The following USP6NL variants were observed in gnomAD, a reference collection of about 807,000 sequenced individuals.
USP6NL encodes the protein USP6 N-terminal-like protein.
USP6NL carries 26 observed loss-of-function variants against 61.9 expected under a neutral mutation model. That is an observed-to-expected ratio of 0.42 (90% CI 0.31 to 0.58). USP6NL has a LOEUF of 0.58. Ranked by LOEUF, USP6NL falls within the 20% of genes least tolerant of loss-of-function variation. USP6NL has a pLI of 0.16. For synonymous variants in USP6NL, 432 were observed against 390.1 expected (o/e 1.11, Z -1.27); for missense variants, 1,114 against 1,034.3 (o/e 1.08, Z -1.06).
intron 2 of USP6NL, among the ~76,000 whole-genome samples, chr10:11,533,141 A>G (rs1835720580): frequency 1.3e-5 from 2 of 152,342 alleles, no homozygotes; most frequent in South Asian, 4.1e-4. Context: ...AACTAAAGCA[A>G]AAGATCTCAG....
chr10:11,582,766 C>G (rs2133611302), intron 2 of USP6NL, among the ~76,000 whole-genome samples: 1 of 152,092 alleles, frequency 6.6e-6, no homozygotes, highest in South Asian at 2.1e-4. Flanking sequence ...CTCTGTAGCT[C>G]AGTGGACACT....
chr10:11,500,911 A>C (rs1419609634), intron 7 of USP6NL, among the ~76,000 whole-genome samples, 190 bp downstream of exon 7: 9 of 152,246 alleles, frequency 5.9e-5, no homozygotes, highest in African/African-American at 2.2e-4. Flanking sequence ...ATTTTTACTG[A>C]AGTATCTATT....
In USP6NL at chr10:11,561,600, G is replaced by A. The variant is rs1404693639; in HGVS notation, c.5-34033C>T. ...CTATTGTACTTCACTATATGGATTT[G>A]CCATAATGCACTAACCTTTCTTCTA... On this transcript the variant is annotated intron_variant, in intron 2 of 14. Coordinates refer to ENST00000609104, the MANE Select transcript of USP6NL (RefSeq NM_014688.5). The surrounding 1 kb of genome is among the most constrained non-coding windows in gnomAD (Gnocchi z 4.1). Among the ~76,000 whole-genome samples the A allele has an allele frequency of 6.6e-6, 1 of 152,148 alleles. No homozygotes were observed. The highest frequency in any genetic ancestry group is 1.5e-5 in the Non-Finnish European group (1 of 68,022).
intron 14 of USP6NL, among the ~76,000 whole-genome samples, chr10:11,479,239 G>A (rs1219928432): frequency 6.6e-6 from 1 of 152,152 alleles, no homozygotes; most frequent in African/African-American, 2.4e-5. Flanking sequence ...CTGTATGGAA[G>A]GTGTCTGCAA....
At chr10:11,568,427 A>T (rs973860664) in intron 2 of USP6NL, among the ~76,000 whole-genome samples, 1 of 152,196 alleles carries the variant, frequency 6.6e-6, no homozygotes, top group East Asian at 1.9e-4. Context: ...TCCAACTCCC[A>T]AATCAATATC....
At chr10:11,514,151 A>G (rs1834851285) in intron 5 of USP6NL, among the ~76,000 whole-genome samples, 1 of 143,850 alleles carries the variant, frequency 7.0e-6, no homozygotes, top group Non-Finnish European at 1.5e-5. Flanking sequence ...TCCACGTGAT[A>G]TACTTTGAGA....
chr10:11,596,835 T>C lies in USP6NL; in HGVS notation c.4+796A>G, dbSNP rs1270069729. On this transcript the variant is annotated intron_variant, in intron 2 of 14. Transcript: ENST00000609104. This position sits in a 1 kb window ranked among gnomAD's most constrained non-coding sequence, Gnocchi z 4.1. ...TCTACTGCCTAATTATTTGAACTGA[T>C]GATGAGAAAAGCTGCCCTATTTCAT... Among the ~76,000 whole-genome samples the C allele has an allele frequency of 6.6e-6, 1 of 152,174 alleles. No homozygotes were observed. The highest frequency in any genetic ancestry group is 6.5e-5 in the Admixed American group (1 of 15,276).
In USP6NL at chr10:11,555,471, A is replaced by AGAGAGAGAGAGAG. The variant is rs1566178235; in HGVS notation, c.5-27905_5-27904insCTCTCTCTCTCTC. Among the ~76,000 whole-genome samples the AGAGAGAGAGAGAG allele has an allele frequency of 2.3e-4, 14 of 62,202 alleles. 1 individual carries two copies. The East Asian group carries it at 7.5e-3, about 33-fold the overall frequency. The allele number at this position is 62,202 out of a possible 152,430, so 40.8% of individuals were successfully genotyped here. A position where few individuals can be genotyped will look rare whatever the true frequency, so the allele number is the denominator to read the frequency against. The stretch of plus-strand genomic sequence containing the variant: ...ATATATAGAGAGAGAGAGAGAGAGA[A>AGAGAGAGAGAGAG]AGAGAGAGAGAGAGAGAGAGAGAAG... On this transcript the variant is annotated intron_variant, in intron 2 of 14. Coordinates refer to ENST00000609104, the MANE Select transcript of USP6NL (RefSeq NM_014688.5).
In USP6NL at chr10:11,518,501, C is replaced by T. The variant is rs904146791; in HGVS notation, c.195+34G>A. 1.9e-6 allele frequency: 3 copies of T among 1,595,166 alleles called. No homozygotes were observed. The Admixed American group carries it at 5.1e-5, about 27-fold the overall frequency. ...TATTCTTCTAATAAAGGCAATTCACCAGTAACTGTAAATACATCAAGAGCA... is the reference window on the plus strand; with the variant it reads ...TATTCTTCTAATAAAGGCAATTCACTAGTAACTGTAAATACATCAAGAGCA... On this transcript the variant is annotated intron_variant, in intron 5 of 14. Transcript: ENST00000609104. The surrounding 1 kb of genome is among the most constrained non-coding windows in gnomAD (Gnocchi z 5.3).
At chr10:11,556,922 A>G (rs1836728576) in intron 2 of USP6NL, among the ~76,000 whole-genome samples, 1 of 152,226 alleles carries the variant, frequency 6.6e-6, no homozygotes, top group African/African-American at 2.4e-5. Context: ...TTTCAAGGGT[A>G]CCAGCCAACT....
rs3837318 is a variant in USP6NL at position 11,465,011 on chromosome 10, CAA to C, written c.1079-1164_1079-1163del. 0.097 allele frequency among the ~76,000 whole-genome samples: 14,739 copies of C among 152,194 alleles called. 813 individuals are homozygous for C. The highest frequency in any genetic ancestry group is 0.2 in the South Asian group (970 of 4,810). ...AAATTAAAACCTATCCAGATTCCTCCAAAAGTTTTTTTCTATCAGCTCTACAA... is the reference window on the plus strand; with the variant it reads ...AAATTAAAACCTATCCAGATTCCTCCAAGTTTTTTTCTATCAGCTCTACAA... On this transcript the variant is annotated intron_variant, in intron 14 of 14. Transcript: ENST00000609104. This position sits in a 1 kb window ranked among gnomAD's most constrained non-coding sequence, Gnocchi z 4.5.
At chr10:11,509,953 T>C (rs1049961670) in intron 5 of USP6NL, among the ~76,000 whole-genome samples, 1 of 152,188 alleles carries the variant, frequency 6.6e-6, no homozygotes, top group Admixed American at 6.5e-5. Flanking sequence ...ATTCTACAAA[T>C]TTAAACAAAA....
Position 11,461,258 on chromosome 10 carries a change from A to T in USP6NL, c.*1183T>A, listed in dbSNP as rs143190144. 1 of 137,370 alleles carries T rather than the reference A, an allele frequency of 7.3e-6. No individual in the cohort carries two copies. Among genetic ancestry groups the T allele is most frequent in the African/African-American group, 2.6e-5 (1 of 37,790 alleles). 8.5% of individuals were successfully genotyped at this position (137,370 alleles called of 1,614,324 possible). On this transcript the variant is annotated 3_prime_UTR_variant, in exon 15 of 15. Transcript: ENST00000609104. ...AATTTTTTTTTAAGCCAAGAACTTG[A>T]ATTTGTTTCAATGAAAAAAAGATGT...
chr10:11,479,565 GT>G (rs398054117), intron 14 of USP6NL, among the ~76,000 whole-genome samples: 91 of 129,882 alleles, frequency 7.0e-4, no homozygotes, highest in Non-Finnish European at 5.9e-4. Flanking sequence ...TCATGTAGGT[GT>G]TTTTTTTTTT....
chr10:11,519,604 T>C (rs1277535446), intron 4 of USP6NL, among the ~76,000 whole-genome samples: 2 of 152,166 alleles, frequency 1.3e-5, no homozygotes, highest in African/African-American at 2.4e-5. Context: ...CACTCCACCC[T>C]GGGCAAGAAG....
At position 11,602,701 on chromosome 10, in the gene USP6NL, A is replaced by C. The variant is rs1237874413; in HGVS notation, c.-83-4984T>G. On this transcript the variant is annotated intron_variant, in intron 1 of 14. Transcript: ENST00000609104. This position sits in a 1 kb window ranked among gnomAD's most constrained non-coding sequence, Gnocchi z 4.8. ...TGAGCACTGACGTGACACTCAAAGG[A>C]AACGCTCATTAGGGCACTTTGGATT... is the stretch of plus-strand genomic sequence containing the variant. Among the ~76,000 whole-genome samples, 2 of 152,226 alleles carry C rather than the reference A, an allele frequency of 1.3e-5. No homozygotes were observed. The highest frequency in any genetic ancestry group is 2.9e-5 in the Non-Finnish European group (2 of 68,044).
In USP6NL at chr10:11,462,241, A is replaced by G. The variant is rs781724581; in HGVS notation, c.*200T>C. 26 of 622,280 alleles carry G rather than the reference A, an allele frequency of 4.2e-5. No individual in the cohort carries two copies. Among genetic ancestry groups the G allele is most frequent in the Non-Finnish European group, 5.1e-5 (19 of 371,698 alleles). The allele number at this position is 622,280 out of a possible 1,614,324, so 38.5% of individuals were successfully genotyped here. ...TTTCCGGGTTAAATTCTAACAGGTC[A>G]GTGATGATGCAATTGAAACGCTCAT... On this transcript the variant is annotated 3_prime_UTR_variant, in exon 15 of 15. Transcript: ENST00000609104.
At chr10:11,603,618 A>G (rs1161991173) in intron 1 of USP6NL, among the ~76,000 whole-genome samples, 1 of 152,232 alleles carries the variant, frequency 6.6e-6, no homozygotes, top group Non-Finnish European at 1.5e-5. Context: ...TCAAAAATCT[A>G]TATCTAATTG....
intron 7 of USP6NL, among the ~76,000 whole-genome samples, chr10:11,497,004 T>C (rs12262235): frequency 6.6e-6 from 1 of 152,100 alleles, no homozygotes; most frequent in African/African-American, 2.4e-5. Context: ...TAAAATATTA[T>C]TGTATATTAT....
Sources: gnomAD v4.1 joint callset for allele counts (sites outside exome capture counted in the v4.1 genomes callset) on GRCh38, gnomAD v4.1.1 for gene constraint, Gnocchi (gnomAD v3.1) non-coding constraint, MANE v1.5 for transcripts, NCBI Gene and HGNC (gene_info 2026-07-23, HGNC 2026-07-21) for gene names.